The following PRDM10 variants were observed in gnomAD, a reference collection of about 807,000 sequenced individuals.
PRDM10 encodes the protein PR domain zinc finger protein 10.
Under a neutral mutation model 133.1 loss-of-function variants are expected in PRDM10, and 65 were observed. The ratio of observed to expected loss-of-function variants is 0.49; its 90% CI spans 0.40 to 0.60. PRDM10 has a LOEUF of 0.60. Ranked by LOEUF, PRDM10 falls within the 20% of genes least tolerant of loss-of-function variation. The pLI, the probability that PRDM10 is intolerant of heterozygous loss-of-function variation, is 0.00. For synonymous variants in PRDM10, 582 were observed against 580.4 expected (o/e 1.00, Z -0.04); for missense variants, 1,137 against 1,507.1 (o/e 0.75, Z 4.07).
chr11:129,967,258 G>C (rs569408959), intron 1 of PRDM10, among the ~76,000 whole-genome samples: 31 of 152,216 alleles, frequency 2.0e-4, no homozygotes, highest in African/African-American at 7.5e-4. Context: ...TGGCGTGGTG[G>C]CATGCACCTG....
At position 129,910,544 on chromosome 11, in the gene PRDM10, T is replaced by G. The variant is rs1334580616; in HGVS notation, c.3095A>C (p.Gln1032Pro). 3.1e-6 allele frequency: 5 copies of G among 1,613,566 alleles called. No individual in the cohort carries two copies. Among genetic ancestry groups the G allele is most frequent in the Non-Finnish European group, 4.2e-6 (5 of 1,179,646 alleles). ...CTGCACAGAGGAATTCTGCTGCTGCTGCTGCTGCTGCTGCAGAGCCTGCCC... is the reference window on the plus strand; with the variant it reads ...CTGCACAGAGGAATTCTGCTGCTGCGGCTGCTGCTGCTGCAGAGCCTGCCC... ...TQGQALQQQQ[Q>P]QQQNSSVQHT... is the part of the protein sequence containing the mutation. The change falls in exon 19 of 21, where the codon CAG (glutamine) becomes CCG (proline). Residue 1032 changes from glutamine to proline, a missense_variant. Physicochemically the swap from Gln to Pro is moderately conservative, Grantham distance 76. Transcript: ENST00000360871.
chr11:129,926,886 A>C (rs891838022), intron 11 of PRDM10, among the ~76,000 whole-genome samples: 1 of 152,238 alleles, frequency 6.6e-6, no homozygotes, highest in Admixed American at 6.5e-5. Context: ...GGATTTTTCT[A>C]CAGCATCTGC....
intron 8 of PRDM10, among the ~76,000 whole-genome samples, chr11:129,936,378 G>A (rs144899264): frequency 0.012 from 1,840 of 152,030 alleles, 33 homozygotes; most frequent in African/African-American, 0.038. Context: ...TTTCGGCCGG[G>A]TGCAGTGGCT....
chr11:129,930,095 A>G (rs887207569), intron 11 of PRDM10, among the ~76,000 whole-genome samples: 1 of 152,242 alleles, frequency 6.6e-6, no homozygotes, highest in Non-Finnish European at 1.5e-5. Context: ...GAAGGCATGG[A>G]CTAGACTATT....
intron 1 of PRDM10, among the ~76,000 whole-genome samples, chr11:129,989,435 G>A (rs578135112): frequency 6.6e-6 from 1 of 152,300 alleles, no homozygotes; most frequent in East Asian, 1.9e-4. Context: ...AGCTGGTGGG[G>A]GATACAGATA....
intron 1 of PRDM10, among the ~76,000 whole-genome samples, chr11:129,970,745 G>A (rs971678224): frequency 1.3e-5 from 2 of 151,818 alleles, no homozygotes; most frequent in African/African-American, 4.8e-5. Flanking sequence ...GGGGTTTCAC[G>A]ATGTTGGCCA....
At chr11:129,934,881 A>G (rs978896858) in intron 9 of PRDM10, among the ~76,000 whole-genome samples, 2 of 152,270 alleles carry the variant, frequency 1.3e-5, no homozygotes, top group Admixed American at 1.3e-4. Context: ...AGGTGAAAGC[A>G]TCTCCCATTG....
Position 129,912,168 on chromosome 11 carries a change from G to A in PRDM10, c.2899C>T (p.Pro967Ser). ...ATGGCGTGCTGGGGGTAGGGCTGAG[G>A]ATCATGGAGCTGGCCAACATCCACA... Reference protein sequence around the residue: ...STVDVGQLHDPQPYPQHAIQV... With the variant: ...STVDVGQLHDSQPYPQHAIQV... Residue 967 changes from proline to serine, a missense_variant, in exon 18 of 21, where the codon CCT becomes TCT. Pro to Ser is a moderately conservative substitution (Grantham distance 74). Around this residue, in one of 6 missense-constraint regions of PRDM10, gnomAD observed 243 missense variants for 259.2 expected, o/e 0.94. Transcript: ENST00000360871. The A allele has an allele frequency of 6.2e-7, 1 of 1,612,376 alleles. No homozygotes were observed. The highest frequency in any genetic ancestry group is 8.5e-7 in the Non-Finnish European group (1 of 1,179,080).
At position 129,931,026 on chromosome 11, in the gene PRDM10, T is replaced by C. The variant is rs1950836953; in HGVS notation, c.1520A>G (p.Lys507Arg). 1 of 1,610,626 alleles carries C rather than the reference T, an allele frequency of 6.2e-7. No individual in the cohort carries two copies. ...TLTADDMRRAKRIRNAALQHL... is the reference protein window; with the variant it reads ...TLTADDMRRARRIRNAALQHL... ...GCTTTCCCCACTTACTCGGATGCGC[T>C]TGGCTCTGCGCATGTCGTCGGCTGT... Residue 507 changes from lysine (K) to arginine (R), a missense_variant, in exon 11 of 21, where the codon AAG (lysine) becomes AGG (arginine). Lys to Arg is a conservative substitution (Grantham distance 26). Coordinates refer to ENST00000360871, the MANE Select transcript of PRDM10 (RefSeq NM_199437.2).
chr11:129,943,503 G>T (rs146099893), intron 6 of PRDM10, among the ~76,000 whole-genome samples: 2 of 152,264 alleles, frequency 1.3e-5, no homozygotes, highest in Admixed American at 6.5e-5. Flanking sequence ...CTTTTAAAGG[G>T]GTAATTAAGT....
chr11:129,929,905 C>T (rs1271320588), intron 11 of PRDM10, among the ~76,000 whole-genome samples: 1 of 152,150 alleles, frequency 6.6e-6, no homozygotes, highest in African/African-American at 2.4e-5. Flanking sequence ...TACTTCATAG[C>T]TTGTTTTCCT....
In PRDM10 at chr11:129,912,153, G is replaced by A; in HGVS notation, c.2914C>T (p.Gln972Ter). 6.2e-7 allele frequency: 1 copy of A among 1,612,776 alleles called. No homozygotes were observed. The highest frequency in any genetic ancestry group is 8.5e-7 in the Non-Finnish European group (1 of 1,179,358). ...GQLHDPQPYPQHAIQVQHIQV... is the reference protein window; with the variant it reads ...GQLHDPQPYP ...ATGTGCTGCACCTGGATGGCGTGCT[G>A]GGGGTAGGGCTGAGGATCATGGAGC... Residue 972 changes from glutamine to a stop codon, truncating the protein, a stop_gained, in exon 18 of 21, where the codon CAG becomes TAG. Coordinates refer to ENST00000360871, the MANE Select transcript of PRDM10 (RefSeq NM_199437.2). LOFTEE classifies it high-confidence loss of function.
At chr11:129,982,034 G>A (rs868180467) in intron 1 of PRDM10, among the ~76,000 whole-genome samples, 3 of 151,960 alleles carry the variant, frequency 2.0e-5, no homozygotes, top group Non-Finnish European at 4.4e-5. Context: ...GAGGCTGGTG[G>A]ATCACTTGAG....
At position 129,918,119 on chromosome 11, in the gene PRDM10, G is replaced by A. The variant is rs553162727; in HGVS notation, c.2214+420C>T. 7.0e-4 allele frequency among the ~76,000 whole-genome samples: 106 copies of A among 151,848 alleles called. 1 individual carries two copies. Among genetic ancestry groups the A allele is most frequent in the African/African-American group, 2.4e-3 (100 of 41,406 alleles). On this transcript the variant is annotated intron_variant, in intron 14 of 20. Transcript: ENST00000360871. This position sits in a 1 kb window ranked among gnomAD's most constrained non-coding sequence, Gnocchi z 5.3. ...TCACTCCAGCCTGGGCAACAGGAGC[G>A]AAATTCTGTCTCAAAAATAAATAAA...
chr11:129,956,795 C>A (rs141361812), intron 3 of PRDM10, among the ~76,000 whole-genome samples: 2 of 152,064 alleles, frequency 1.3e-5, no homozygotes, highest in South Asian at 4.1e-4. Flanking sequence ...GTGATCTGAG[C>A]CTCTTTATTG....
Position 129,923,437 on chromosome 11 carries a change from C to G in PRDM10, c.1879-34G>C. The G allele has an allele frequency of 2.5e-6, 4 of 1,580,730 alleles. No homozygotes were observed. The highest frequency in any genetic ancestry group is 1.9e-4 in the Middle Eastern group (1 of 5,226). On this transcript the variant is annotated intron_variant, in intron 12 of 20. Coordinates refer to ENST00000360871, the MANE Select transcript of PRDM10 (RefSeq NM_199437.2). The surrounding 1 kb of genome is among the most constrained non-coding windows in gnomAD (Gnocchi z 4.4). ...AAGAACCACAGGAAAATTCAGGGGA[C>G]GCAGGCACCAAATGAAATGACCAAA...
chr11:129,995,956 GAAAAGAAAAGA>G (rs1163371298), intron 1 of PRDM10, among the ~76,000 whole-genome samples: 1 of 117,472 alleles, frequency 8.5e-6, no homozygotes, highest in Non-Finnish European at 1.6e-5. Context: ...AAAAACAAAA[GAAAAGAAAAGA>G]AAAAGAAAAA....
At chr11:129,905,607 A>G in intron 20 of PRDM10, 31 bp downstream of exon 20, 1 of 1,552,518 alleles carries the variant, frequency 6.4e-7, no homozygotes. Context: ...CAGGTTGGAC[A>G]GGAAAAACCC....
Position 129,923,248 on chromosome 11 carries a change from CT to C in PRDM10, c.2033del (p.Lys678SerfsTer52). On this transcript the variant is annotated frameshift_variant and splice_region_variant, in exon 13 of 21. Coordinates refer to ENST00000360871, the MANE Select transcript of PRDM10 (RefSeq NM_199437.2). LOFTEE classifies it high-confidence loss of function. The surrounding 1 kb of genome is among the most constrained non-coding windows in gnomAD (Gnocchi z 4.4). ...CTTGGGCTGTGCCTTGGTGTCATAC[CT>C]TAAATTGCTTCCCACAGGTGGAACA... is the stretch of plus-strand genomic sequence containing the variant. ...FLCSTCGKQF[K>X]RKDKLREHMQ... 6.3e-7 allele frequency: 1 copy of C among 1,576,378 alleles called. No homozygotes were observed. Among genetic ancestry groups the C allele is most frequent in the South Asian group, 1.2e-5 (1 of 86,192 alleles).
Sources: allele counts gnomAD v4.1 joint callset (sites outside exome capture counted in the v4.1 genomes callset), GRCh38; gene constraint gnomAD v4.1.1; regional missense constraint gnomAD v4.1.1; non-coding constraint Gnocchi (gnomAD v3.1); transcripts MANE v1.5; gene names NCBI Gene and HGNC (gene_info 2026-07-23, HGNC 2026-07-21).